The following LRRTM4 variants were observed in gnomAD, a reference collection of about 807,000 sequenced individuals.
LRRTM4 encodes the protein leucine rich repeat transmembrane neuronal 4.
In LRRTM4, 25 loss-of-function variants were observed where a neutral mutation model predicts 47.6. The ratio of observed to expected loss-of-function variants is 0.53; its 90% CI spans 0.38 to 0.73. The LOEUF (loss-of-function observed/expected upper bound fraction) is 0.73, where lower values mean the gene tolerates loss of function less well. Ranked by LOEUF, LRRTM4 falls within the 30% of genes least tolerant of loss-of-function variation. The pLI, the probability that LRRTM4 is intolerant of heterozygous loss-of-function variation, is 0.00. For missense variants in LRRTM4, 638 were observed against 713.4 expected (o/e 0.89, Z 1.20); for synonymous variants, 311 against 269.5 (o/e 1.15, Z -1.51).
intron 3 of LRRTM4, among the ~76,000 whole-genome samples, chr2:77,137,917 A>ATT: frequency 6.6e-6 from 1 of 152,168 alleles, no homozygotes; most frequent in Admixed American, 6.5e-5. Flanking sequence ...TTCAACAGGA[A>ATT]GAGCTAACTA....
chr2:77,425,463 A>T (rs942620181), intron 3 of LRRTM4, among the ~76,000 whole-genome samples: 5 of 152,100 alleles, frequency 3.3e-5, no homozygotes, highest in African/African-American at 1.2e-4. Flanking sequence ...CTGGTTATCT[A>T]TCTTTTATGT....
chr2:77,161,632 T>A (rs561310522), intron 3 of LRRTM4, among the ~76,000 whole-genome samples: 3 of 152,192 alleles, frequency 2.0e-5, no homozygotes, highest in South Asian at 2.1e-4. Flanking sequence ...CAAAAAAAAA[T>A]TTCCAATATA....
chr2:76,840,976 G>A (rs7575043), intron 3 of LRRTM4, among the ~76,000 whole-genome samples: 25,420 of 150,418 alleles, frequency 0.17, 1,940 homozygotes, highest in Admixed American at 0.22. Flanking sequence ...ACATGCACAC[G>A]TATGTTTATT....
At chr2:76,775,563 A>G (rs1055877970) in intron 3 of LRRTM4, among the ~76,000 whole-genome samples, 3 of 152,098 alleles carry the variant, frequency 2.0e-5, no homozygotes, top group African/African-American at 7.2e-5. Context: ...CTTGTTGTAA[A>G]ACAGACCTTC....
intron 3 of LRRTM4, among the ~76,000 whole-genome samples, chr2:77,266,664 G>A (rs886263629): frequency 6.6e-6 from 1 of 152,092 alleles, no homozygotes; most frequent in African/African-American, 2.4e-5. Context: ...AGAAGTAATA[G>A]TGAATAGTGG....
intron 3 of LRRTM4, among the ~76,000 whole-genome samples, chr2:77,018,696 G>T (rs765989602): frequency 1.1e-4 from 17 of 152,082 alleles, no homozygotes; most frequent in Non-Finnish European, 2.2e-4. Flanking sequence ...ACAGCTGAAG[G>T]TTTACCACAA....
chr2:77,219,883 G>T (rs1312998460), intron 3 of LRRTM4, among the ~76,000 whole-genome samples: 1 of 152,158 alleles, frequency 6.6e-6, no homozygotes, highest in Non-Finnish European at 1.5e-5. Context: ...CACAGCTTGA[G>T]ATCTGAGAAC....
At chr2:76,841,293 G>A (rs1276055964) in intron 3 of LRRTM4, among the ~76,000 whole-genome samples, 2 of 150,820 alleles carry the variant, frequency 1.3e-5, no homozygotes, top group Non-Finnish European at 2.9e-5. Context: ...GGGGAGTGGG[G>A]AGGGATAGTA....
At chr2:76,918,650 G>C (rs939505994) in intron 3 of LRRTM4, among the ~76,000 whole-genome samples, 1 of 152,056 alleles carries the variant, frequency 6.6e-6, no homozygotes, top group Non-Finnish European at 1.5e-5. Flanking sequence ...CACTCTTGGT[G>C]GCCTAGTTAA....
chr2:76,837,373 A>G (rs1671545300), intron 3 of LRRTM4, among the ~76,000 whole-genome samples: 2 of 151,308 alleles, frequency 1.3e-5, no homozygotes, highest in African/African-American at 2.4e-5. Flanking sequence ...TTTTGTCTCT[A>G]TTTCCTTCAG....
chr2:76,983,077 A>G (rs1280580656), intron 3 of LRRTM4, among the ~76,000 whole-genome samples: 1 of 152,086 alleles, frequency 6.6e-6, no homozygotes, highest in East Asian at 1.9e-4. Context: ...TTACATTCAA[A>G]CAGATTTTAA....
chr2:77,159,153 C>T (rs765373549), intron 3 of LRRTM4, among the ~76,000 whole-genome samples: 43 of 152,166 alleles, frequency 2.8e-4, no homozygotes, highest in Non-Finnish European at 5.3e-4. Context: ...GAACAGCTGA[C>T]ACTTCACCAA....
At chr2:77,317,060 A>G (rs1677639448) in intron 3 of LRRTM4, among the ~76,000 whole-genome samples, 1 of 152,218 alleles carries the variant, frequency 6.6e-6, no homozygotes, top group African/African-American at 2.4e-5. Flanking sequence ...AAAATTATAC[A>G]AGGGAATATA....
intron 3 of LRRTM4, among the ~76,000 whole-genome samples, chr2:77,153,251 T>A (rs1043128513): frequency 3.9e-5 from 6 of 152,184 alleles, no homozygotes; most frequent in African/African-American, 1.2e-4. Context: ...AATAGTCATC[T>A]GTGTGCTGCA....
intron 3 of LRRTM4, among the ~76,000 whole-genome samples, chr2:77,424,536 C>A (rs1675032734): frequency 1.3e-5 from 2 of 152,084 alleles, no homozygotes; most frequent in African/African-American, 4.8e-5. Context: ...TGATTTTTAA[C>A]CAAAACCACT....
At chr2:77,376,878 T>C (rs966533882) in intron 3 of LRRTM4, among the ~76,000 whole-genome samples, 1 of 152,024 alleles carries the variant, frequency 6.6e-6, no homozygotes, top group South Asian at 2.1e-4. Flanking sequence ...ACTCAAGGAA[T>C]GGGAAATTAA....
Position 77,519,874 on chromosome 2 carries a change from T to A in LRRTM4, c.5-10A>T. ...GTAATTAAATGGAAACCTACGATAT[T>A]AAAAAAAAGACAGATGCACATTGTG... is the stretch of plus-strand genomic sequence containing the variant. On this transcript the variant is annotated splice_polypyrimidine_tract_variant and intron_variant, in intron 2 of 3. Transcript: ENST00000409884. The surrounding 1 kb of genome is among the most constrained non-coding windows in gnomAD (Gnocchi z 4.6). 1 of 1,560,202 alleles carries A rather than the reference T, an allele frequency of 6.4e-7. No homozygotes were observed.
chr2:76,791,624 A>G (rs1674977866), intron 3 of LRRTM4, among the ~76,000 whole-genome samples: 1 of 152,200 alleles, frequency 6.6e-6, no homozygotes, highest in Non-Finnish European at 1.5e-5. Flanking sequence ...CTTCAGAATT[A>G]TACACAAAAC....
intron 3 of LRRTM4, among the ~76,000 whole-genome samples, chr2:77,360,522 GATACGATACGATACA>G (rs879927478): frequency 0.041 from 5,904 of 144,004 alleles, 155 homozygotes; most frequent in Middle Eastern, 0.063. Context: ...GATACGATAC[GATACGATACGATACA>G]ATACAATCAT....
Sources: allele counts gnomAD v4.1 joint callset (sites outside exome capture counted in the v4.1 genomes callset), GRCh38; gene constraint gnomAD v4.1.1; non-coding constraint Gnocchi (gnomAD v3.1); transcripts MANE v1.5; gene names NCBI Gene and HGNC (gene_info 2026-07-23, HGNC 2026-07-21).